GRIP1: variants seen among roughly 807,000 people sequenced by gnomAD.
GRIP1 encodes glutamate receptor interacting protein 1.
In GRIP1, 45 loss-of-function variants were observed where a neutral mutation model predicts 129.9. That is an observed-to-expected ratio of 0.35 (90% CI 0.27 to 0.44). The LOEUF (loss-of-function observed/expected upper bound fraction) is 0.44. Ranked by LOEUF, GRIP1 falls within the 20% of genes least tolerant of loss-of-function variation. The probability of loss-of-function intolerance (pLI) is 1.00; values close to 1 mark genes in which losing one functional copy is unlikely to be tolerated. For missense variants in GRIP1, 1,196 were observed against 1,396.8 expected, an observed-to-expected ratio of 0.86 and a Z score of 2.29; for synonymous variants, 530 against 520.8, an observed-to-expected ratio of 1.02 and a Z score of -0.24.
chr12:66,859,478 C>T (rs2040074097), intron 1 of GRIP1, among the ~76,000 whole-genome samples: 1 of 151,712 alleles, frequency 6.6e-6, no homozygotes, highest in Non-Finnish European at 1.5e-5. Context: ...GGTAAGTACA[C>T]TACATAAATA....
chr12:66,745,855 G>T (rs2036928355), intron 1 of GRIP1, among the ~76,000 whole-genome samples: 1 of 152,166 alleles, frequency 6.6e-6, no homozygotes, highest in South Asian at 2.1e-4. Context: ...AGTATAGTCT[G>T]TAAGGTCAGA....
At chr12:66,990,428 G>C (rs1448770945) in intron 1 of GRIP1, among the ~76,000 whole-genome samples, 1 of 152,098 alleles carries the variant, frequency 6.6e-6, no homozygotes, top group East Asian at 1.9e-4. Flanking sequence ...AAAATACATA[G>C]GTAATTAATA....
intron 2 of GRIP1, among the ~76,000 whole-genome samples, chr12:66,594,278 C>T (rs1487234870): frequency 6.6e-6 from 1 of 151,644 alleles, no homozygotes; most frequent in East Asian, 1.9e-4. Flanking sequence ...TCCATGCTAC[C>T]GGGGTGTTAA....
intron 1 of GRIP1, among the ~76,000 whole-genome samples, chr12:66,819,028 T>C (rs544762458): frequency 6.6e-6 from 1 of 152,340 alleles, no homozygotes; most frequent in East Asian, 1.9e-4. Flanking sequence ...GTCTTTTACA[T>C]GTATTTAGTT....
At chr12:66,557,281 C>T (rs2062369171) in intron 2 of GRIP1, among the ~76,000 whole-genome samples, 1 of 152,072 alleles carries the variant, frequency 6.6e-6, no homozygotes, top group Non-Finnish European at 1.5e-5. Flanking sequence ...AGGATATAAC[C>T]ATTGTAAATA....
chr12:66,849,327 C>G (rs532525087), intron 1 of GRIP1, among the ~76,000 whole-genome samples: 10 of 152,274 alleles, frequency 6.6e-5, no homozygotes, highest in South Asian at 4.1e-4. Flanking sequence ...GTCACTCCAG[C>G]CAGCATCAAT....
intron 1 of GRIP1, among the ~76,000 whole-genome samples, chr12:66,708,588 T>C (rs1194729057): frequency 3.9e-5 from 6 of 151,970 alleles, no homozygotes; most frequent in African/African-American, 1.2e-4. Flanking sequence ...CAGACTAATT[T>C]TGTGGTCATC....
chr12:66,868,967 G>C (rs1193470360), intron 1 of GRIP1, among the ~76,000 whole-genome samples: 1 of 152,114 alleles, frequency 6.6e-6, no homozygotes. Context: ...TATGGCTGCA[G>C]AGGTCTAGGT....
intron 7 of GRIP1, among the ~76,000 whole-genome samples, chr12:66,508,018 A>C (rs1462908817): frequency 1.3e-5 from 2 of 152,206 alleles, no homozygotes; most frequent in Admixed American, 1.3e-4. Context: ...CTAGGTGATC[A>C]AAAAGAAAGG....
intron 7 of GRIP1, among the ~76,000 whole-genome samples, chr12:66,493,166 G>A (rs186584396): frequency 1.3e-5 from 2 of 152,244 alleles, no homozygotes; most frequent in East Asian, 3.9e-4. Flanking sequence ...GGATGGGCCT[G>A]GGCATTTTAA....
chr12:66,940,912 C>T (rs1437408910), intron 1 of GRIP1, among the ~76,000 whole-genome samples: 3 of 152,008 alleles, frequency 2.0e-5, no homozygotes, highest in Non-Finnish European at 2.9e-5. Flanking sequence ...AAAAAGTGAG[C>T]TATAAATTTA....
intron 1 of GRIP1, among the ~76,000 whole-genome samples, chr12:66,658,982 A>C (rs1020803467): frequency 2.6e-5 from 4 of 152,056 alleles, no homozygotes; most frequent in Admixed American, 2.0e-4. Context: ...AAAGGATAAA[A>C]ATAAAAAGCG....
At chr12:67,014,618 G>T (rs2042757359) in intron 1 of GRIP1, among the ~76,000 whole-genome samples, 2 of 152,052 alleles carry the variant, frequency 1.3e-5, no homozygotes, top group African/African-American at 4.8e-5. Flanking sequence ...CACAAAGGGG[G>T]TTCTGTGGTC....
intron 7 of GRIP1, among the ~76,000 whole-genome samples, chr12:66,487,510 T>C (rs2059987806): frequency 6.6e-6 from 1 of 152,108 alleles, no homozygotes; most frequent in Non-Finnish European, 1.5e-5. Context: ...GGAGAAACTA[T>C]TACCAGCCAC....
At chr12:66,656,662 T>C (rs192999349) in intron 1 of GRIP1, among the ~76,000 whole-genome samples, 50 of 151,446 alleles carry the variant, frequency 3.3e-4, no homozygotes, top group Admixed American at 5.2e-4. Context: ...GGAAATAACA[T>C]ATTTCTTTGC....
intron 1 of GRIP1, among the ~76,000 whole-genome samples, chr12:66,843,426 T>C (rs1358808525): frequency 6.6e-6 from 1 of 152,148 alleles, no homozygotes; most frequent in African/African-American, 2.4e-5. Flanking sequence ...ATATTCCATA[T>C]GAATTTTAGC....
chr12:67,067,700 G>A (rs1299239301), intron 1 of GRIP1, among the ~76,000 whole-genome samples: 2 of 152,098 alleles, frequency 1.3e-5, no homozygotes, highest in African/African-American at 4.8e-5. Context: ...AGAAAAACTG[G>A]AAATTGTACA....
intron 1 of GRIP1, among the ~76,000 whole-genome samples, chr12:66,768,553 G>A (rs534834718): frequency 6.6e-6 from 1 of 152,146 alleles, no homozygotes; most frequent in Non-Finnish European, 1.5e-5. Flanking sequence ...CTGAAGGAGT[G>A]AAGGCAGGAA....
At chr12:66,977,591 C>A (rs2042172705) in intron 1 of GRIP1, among the ~76,000 whole-genome samples, 1 of 152,146 alleles carries the variant, frequency 6.6e-6, no homozygotes, top group Admixed American at 6.5e-5. Context: ...AGGTACACCA[C>A]AATTCTGACT....
Sources: allele counts gnomAD v4.1 joint callset (sites outside exome capture counted in the v4.1 genomes callset), GRCh38; gene constraint gnomAD v4.1.1; transcripts MANE v1.5; gene names NCBI Gene and HGNC (gene_info 2026-07-23, HGNC 2026-07-21).